Variants in LASP1 observed in about 807,000 individuals in gnomAD.
LASP1 encodes the protein LIM and SH3 domain protein 1.
In LASP1, 10 loss-of-function variants were observed where a neutral mutation model predicts 38.6. The observed-to-expected ratio is 0.26, with a 90% CI of 0.16 to 0.44. The LOEUF (loss-of-function observed/expected upper bound fraction) is 0.44. Among genes scored for constraint, LASP1 ranks in the 20% least tolerant of loss-of-function variants. LASP1 has a pLI of 1.00. For synonymous variants in LASP1, 132 were observed against 140.8 expected (o/e 0.94, Z 0.44); for missense variants, 243 against 375.7 (o/e 0.65, Z 2.92).
At chr17:38,905,096 T>C (rs1914740223) in intron 4 of LASP1, among the ~76,000 whole-genome samples, 1 of 152,218 alleles carries the variant, frequency 6.6e-6, no homozygotes, top group African/African-American at 2.4e-5. Flanking sequence ...CATTGCTATA[T>C]AGTATTCCAT....
intron 3 of LASP1, 41 bp from the exon 4 acceptor site, chr17:38,898,371 C>T (rs767599931): frequency 9.5e-6 from 14 of 1,469,364 alleles, no homozygotes; most frequent in Non-Finnish European, 1.3e-5. Context: ...GCCCTTTCGG[C>T]TCCTGGCCTG....
intron 4 of LASP1, among the ~76,000 whole-genome samples, chr17:38,908,816 C>T (rs570866358): frequency 6.6e-6 from 1 of 152,352 alleles, no homozygotes; most frequent in South Asian, 2.1e-4. Flanking sequence ...AACGTGTAAG[C>T]CCTGCCTGGC....
At position 38,878,181 on chromosome 17, in the gene LASP1, G is replaced by GT; in HGVS notation, c.164+2dup. On this transcript the variant is annotated splice_donor_variant, in intron 2 of 6. Transcript: ENST00000318008. LOFTEE classifies it high-confidence loss of function. ...ACGAGAAGAAGCCCTACTGCAACGCGTGAGTCCTGTTCTGGGCAGGGGGCT... is the reference window on the plus strand; with the variant it reads ...ACGAGAAGAAGCCCTACTGCAACGCGTTGAGTCCTGTTCTGGGCAGGGGGCT... 6.2e-7 allele frequency: 1 copy of GT among 1,610,132 alleles called. No homozygotes were observed. Among genetic ancestry groups the GT allele is most frequent in the Non-Finnish European group, 8.5e-7 (1 of 1,176,544 alleles).
At chr17:38,893,226 C>T (rs1914393774) in intron 3 of LASP1, among the ~76,000 whole-genome samples, 1 of 152,224 alleles carries the variant, frequency 6.6e-6, no homozygotes, top group South Asian at 2.1e-4. Flanking sequence ...GTGCTGATGG[C>T]ACAGGCACCG....
Position 38,903,328 on chromosome 17 carries a change from A to G in LASP1, c.357+4809A>G, listed in dbSNP as rs544829016. 5.3e-5 allele frequency among the ~76,000 whole-genome samples: 8 copies of G among 152,278 alleles called. No individual in the cohort carries two copies. In the South Asian group the frequency reaches 8.3e-4, roughly 16 times the overall value. On this transcript the variant is annotated intron_variant, in intron 4 of 6. Transcript: ENST00000318008. ...ACTTTGACAGGTGGTTGCAAGGAAC[A>G]TGCCAAGTGCTTGGCATGGGATAAA...
intron 4 of LASP1, among the ~76,000 whole-genome samples, chr17:38,910,296 T>C (rs1914899009): frequency 6.6e-6 from 1 of 152,222 alleles, no homozygotes; most frequent in African/African-American, 2.4e-5. Context: ...TGGCAGCAGC[T>C]CAGTTCTGCA....
At chr17:38,909,124 C>T (rs903712014) in intron 4 of LASP1, among the ~76,000 whole-genome samples, 5 of 152,326 alleles carry the variant, frequency 3.3e-5, no homozygotes, top group South Asian at 4.1e-4. Context: ...GGCCTGAGCC[C>T]GTCTGGGAAG....
Position 38,914,484 on chromosome 17 carries a change from A to G in LASP1, c.508+9A>G, listed in dbSNP as rs525767. ...CCCGACCAGTGCCCCGGGTGAGTGC[A>G]GGTCCTGTTGGTGCAGATGACCTGA... On this transcript the variant is annotated intron_variant, in intron 5 of 6. Transcript: ENST00000318008. 0.65 allele frequency: 1,042,406 copies of G among 1,591,718 alleles called. 344,616 individuals are homozygous for G. The highest frequency in any genetic ancestry group is 0.86 in the African/African-American group (63,990 of 74,558).
intron 2 of LASP1, among the ~76,000 whole-genome samples, chr17:38,886,276 C>T (rs577947698): frequency 9.3e-5 from 14 of 150,844 alleles, no homozygotes; most frequent in South Asian, 2.1e-4. Flanking sequence ...AGAGTCGTCT[C>T]GCCAGGGCTG....
At chr17:38,894,583 A>G (rs1213768134) in intron 3 of LASP1, among the ~76,000 whole-genome samples, 1 of 152,172 alleles carries the variant, frequency 6.6e-6, no homozygotes, top group African/African-American at 2.4e-5. Context: ...GTCAGCATTC[A>G]GTGTTTGCTA....
At position 38,884,727 on chromosome 17, in the gene LASP1, G is replaced by A. The variant is rs1178774892; in HGVS notation, c.165-5693G>A. On this transcript the variant is annotated intron_variant, in intron 2 of 6. Transcript: ENST00000318008. Reference sequence around the variant, plus strand: ...TTTTTTTGAGATGGGGTCTCTCTCTGTCTCCCAGGTGGAAGTGCAGAGGTG... The same window carrying A: ...TTTTTTTGAGATGGGGTCTCTCTCTATCTCCCAGGTGGAAGTGCAGAGGTG... Among the ~76,000 whole-genome samples the A allele has an allele frequency of 1.7e-4, 21 of 122,092 alleles. No individual in the cohort carries two copies. In the East Asian group the frequency reaches 4.1e-3, roughly 24 times the overall value. The allele number at this position is 122,092 out of a possible 152,430, so 80.1% of individuals were successfully genotyped here. A position where few individuals can be genotyped will look rare whatever the true frequency, so the allele number is the denominator to read the frequency against.
At chr17:38,917,102 T>C (rs1400084271) in intron 6 of LASP1, among the ~76,000 whole-genome samples, 1 of 152,078 alleles carries the variant, frequency 6.6e-6, no homozygotes, top group Non-Finnish European at 1.5e-5. Flanking sequence ...CAGAGCGACA[T>C]AGGTTTTTGG....
chr17:38,870,185 G>T lies in LASP1; in HGVS notation c.-5G>T. 6.2e-7 allele frequency: 1 copy of T among 1,613,658 alleles called. No homozygotes were observed. Among genetic ancestry groups the T allele is most frequent in the Non-Finnish European group, 8.5e-7 (1 of 1,179,794 alleles). On this transcript the variant is annotated 5_prime_UTR_variant, in exon 1 of 7. Coordinates refer to ENST00000318008, the MANE Select transcript of LASP1 (RefSeq NM_006148.4). ...GGCGTCCCCGCCCCAGCTTTTCTCG[G>T]AACCATGAACCCCAACTGCGCCCGG...
rs759358549 is a variant in LASP1 at position 38,870,184 on chromosome 17, G to C, written c.-6G>C. 2 of 1,613,516 alleles carry C rather than the reference G, an allele frequency of 1.2e-6. No homozygotes were observed. Among genetic ancestry groups the C allele is most frequent in the African/African-American group, 2.7e-5 (2 of 74,932 alleles). ...AGGCGTCCCCGCCCCAGCTTTTCTC[G>C]GAACCATGAACCCCAACTGCGCCCG... On this transcript the variant is annotated 5_prime_UTR_variant, in exon 1 of 7. Transcript: ENST00000318008.
At chr17:38,871,228 T>C (rs950612979) in intron 1 of LASP1, among the ~76,000 whole-genome samples, 23 of 151,980 alleles carry the variant, frequency 1.5e-4, no homozygotes, top group Admixed American at 2.6e-4. Context: ...GTTCATCTGG[T>C]TGCCATTAGA....
intron 4 of LASP1, among the ~76,000 whole-genome samples, chr17:38,909,464 G>A (rs1182639983): frequency 1.3e-5 from 2 of 152,000 alleles, no homozygotes; most frequent in Admixed American, 6.6e-5. Flanking sequence ...AAAATTAGCC[G>A]GGCGTGGTGG....
intron 4 of LASP1, among the ~76,000 whole-genome samples, chr17:38,913,276 T>C (rs1487494998): frequency 8.5e-5 from 13 of 152,160 alleles, no homozygotes; most frequent in Admixed American, 8.5e-4. Context: ...GGATATGACT[T>C]CTTTGGGCCT....
intron 1 of LASP1, among the ~76,000 whole-genome samples, chr17:38,873,336 A>G (rs1350791776): frequency 6.6e-6 from 1 of 152,136 alleles, no homozygotes; most frequent in East Asian, 1.9e-4. Context: ...CATAATAGCT[A>G]CTAGTTATCA....
chr17:38,918,482 C>T lies in LASP1; in HGVS notation c.613-123C>T, dbSNP rs1209214891. On this transcript the variant is annotated intron_variant, in intron 6 of 6. Coordinates refer to ENST00000318008, the MANE Select transcript of LASP1 (RefSeq NM_006148.4). This position sits in a 1 kb window ranked among gnomAD's most constrained non-coding sequence, Gnocchi z 4.4. ...AGAATCTTTGCAGCAGAGCCTGGTG[C>T]TCCATTTCTGAGTTCACTGCTCCCC... 8 of 919,222 alleles carry T rather than the reference C, an allele frequency of 8.7e-6. No homozygotes were observed. The highest frequency in any genetic ancestry group is 9.9e-6 in the Non-Finnish European group (6 of 603,458). The allele number at this position is 919,222 out of a possible 1,614,324, so 56.9% of individuals were successfully genotyped here.
Sources: allele counts gnomAD v4.1 joint callset (sites outside exome capture counted in the v4.1 genomes callset), GRCh38; gene constraint gnomAD v4.1.1; non-coding constraint Gnocchi (gnomAD v3.1); transcripts MANE v1.5; gene names NCBI Gene and HGNC (gene_info 2026-07-23, HGNC 2026-07-21).